MS4A8: variants seen among roughly 807,000 people sequenced by gnomAD.
MS4A8 encodes membrane spanning 4-domains A8.
In MS4A8, 27 loss-of-function variants were observed where a neutral mutation model predicts 23.7. The ratio of observed to expected loss-of-function variants is 1.14; its 90% confidence interval spans 0.84 to 1.57. The LOEUF is 1.57. Ranked by LOEUF, MS4A8 falls within the 40% of genes most tolerant of loss-of-function variation. The pLI is 0.00. For synonymous variants in MS4A8, 138 were observed against 126.3 expected (o/e 1.09, Z -0.62); for missense variants, 301 against 311.4 (o/e 0.97, Z 0.25).
intron 3 of MS4A8, among the ~76,000 whole-genome samples, chr11:60,704,116 C>CTTTTT (rs1245958477): frequency 7.1e-5 from 9 of 126,868 alleles, no homozygotes; most frequent in African/African-American, 1.6e-4. Flanking sequence ...TTTCTTTTTA[C>CTTTTT]TTTTTTTTTT....
intron 5 of MS4A8, 62 bp downstream of exon 5, chr11:60,708,843 C>T (rs760759543): frequency 1.3e-6 from 2 of 1,597,390 alleles, no homozygotes; most frequent in Admixed American, 3.3e-5. Context: ...TAGAAAACTC[C>T]CAGAAAGGGC....
intron 3 of MS4A8, 74 bp downstream of exon 3, chr11:60,703,574 G>T: frequency 1.3e-6 from 2 of 1,548,172 alleles, no homozygotes; most frequent in Non-Finnish European, 1.8e-6. Flanking sequence ...TTGCCAAGTT[G>T]TGCAGCTGTG....
intron 3 of MS4A8, among the ~76,000 whole-genome samples, chr11:60,705,881 T>A (rs1024852555): frequency 2.0e-5 from 3 of 152,204 alleles, no homozygotes; most frequent in East Asian, 1.9e-4. Context: ...CTGGATGATG[T>A]TGTGTGAGTT....
intron 5 of MS4A8, chr11:60,709,009 T>A (rs2088280479): frequency 2.1e-6 from 1 of 473,194 alleles, no homozygotes; most frequent in African/African-American, 2.0e-5. Flanking sequence ...TGTGGCAATG[T>A]TGAGAGAATT....
chr11:60,700,478 G>A (rs1450845638), intron 1 of MS4A8, among the ~76,000 whole-genome samples: 8 of 152,022 alleles, frequency 5.3e-5, no homozygotes, highest in Non-Finnish European at 4.4e-5. Flanking sequence ...CCTGGGAGGC[G>A]GAGGTTGCAG....
At chr11:60,714,576 G>GAAAATGA (rs1481922377) in intron 5 of MS4A8, among the ~76,000 whole-genome samples, 9 of 151,976 alleles carry the variant, frequency 5.9e-5, no homozygotes, top group African/African-American at 2.2e-4. Context: ...TTTTTCACAG[G>GAAAATGA]AGGCCTTTTC....
chr11:60,705,312 C>T (rs555379736), intron 3 of MS4A8, among the ~76,000 whole-genome samples: 2 of 152,214 alleles, frequency 1.3e-5, no homozygotes, highest in Non-Finnish European at 2.9e-5. Flanking sequence ...ATGCCTACCA[C>T]GGAGCACTGG....
chr11:60,712,643 A>C, intron 5 of MS4A8: 1 of 281,598 alleles, frequency 3.6e-6, no homozygotes, highest in Non-Finnish European at 5.3e-6. Flanking sequence ...AATATACAAA[A>C]ATTAGCCAGG....
chr11:60,714,995 G>A (rs2134664086), intron 5 of MS4A8, 26 bp from the exon 6 acceptor site: 1 of 1,552,188 alleles, frequency 6.4e-7, no homozygotes, highest in Non-Finnish European at 8.9e-7. Context: ...CCGTGCTCCT[G>A]TCCTCCCCAT....
Position 60,708,750 on chromosome 11 carries a change from AC to A in MS4A8, c.507del (p.Asp170ThrfsTer9). On this transcript the variant is annotated frameshift_variant, in exon 5 of 7. Coordinates refer to ENST00000300226, the MANE Select transcript of MS4A8 (RefSeq NM_031457.2). LOFTEE classifies it high-confidence loss of function. ...CTAAGTATTCCCCACCCATATGCCT[AC>A]CCCGACTATTATCCTTACGCCTGGG... ...TDLSIPHPYAYPDYYPYAWGV... is the reference protein window; with the variant it reads ...TDLSIPHPYAXPDYYPYAWGV... 1 of 1,613,944 alleles carries A rather than the reference AC, an allele frequency of 6.2e-7. No individual in the cohort carries two copies. Among genetic ancestry groups the A allele is most frequent in the African/African-American group, 1.3e-5 (1 of 75,002 alleles).
rs1364072133 is a variant in MS4A8 at position 60,699,689 on chromosome 11, C to T, written c.-88C>T. On this transcript the variant is annotated 5_prime_UTR_variant, in exon 1 of 7. Transcript: ENST00000300226. ...CCCTACCACCCAACTGGCCCCAGTACATTCATTCTCTCAGGAAAAAAAACA... is the reference window on the plus strand; with the variant it reads ...CCCTACCACCCAACTGGCCCCAGTATATTCATTCTCTCAGGAAAAAAAACA... The T allele has an allele frequency of 2.0e-5, 3 of 152,272 alleles. No homozygotes were observed. The highest frequency in any genetic ancestry group is 7.2e-5 in the African/African-American group (3 of 41,418). 9.4% of individuals were successfully genotyped at this position (152,272 alleles called of 1,614,324 possible).
At chr11:60,707,310 G>A (rs368558257) in intron 4 of MS4A8, among the ~76,000 whole-genome samples, 7 of 126,560 alleles carry the variant, frequency 5.5e-5, no homozygotes, top group South Asian at 2.2e-4. Flanking sequence ...TATGGAGAGC[G>A]AGAGAGAGAG....
chr11:60,713,280 A>G (rs2088314848), intron 5 of MS4A8, among the ~76,000 whole-genome samples: 1 of 152,198 alleles, frequency 6.6e-6, no homozygotes, highest in South Asian at 2.1e-4. Flanking sequence ...TAAAGTACAG[A>G]GAAAGAAAAA....
chr11:60,703,646 C>T lies in MS4A8; in HGVS notation c.342+146C>T, dbSNP rs2088226684. ...ATAGGAAACCAGCCAGCCCTGGCCT[C>T]GTTCCGCAAGCATATTAGTTTGGTA... On this transcript the variant is annotated intron_variant, in intron 3 of 6. Coordinates refer to ENST00000300226, the MANE Select transcript of MS4A8 (RefSeq NM_031457.2). 10 of 901,872 alleles carry T rather than the reference C, an allele frequency of 1.1e-5. No homozygotes were observed. In the East Asian group the frequency reaches 2.6e-4, roughly 23 times the overall value. 55.9% of individuals were successfully genotyped at this position (901,872 alleles called of 1,614,324 possible).
Position 60,703,389 on chromosome 11 carries a change from C to G in MS4A8, c.231C>G (p.Ile77Met), listed in dbSNP as rs987829871. The change falls in exon 3 of 7, where the codon ATC (isoleucine) becomes ATG (methionine). Residue 77 changes from isoleucine to methionine, a missense_variant. Ile to Met is a conservative substitution (Grantham distance 10, BLOSUM62 1). Coordinates refer to ENST00000300226, the MANE Select transcript of MS4A8 (RefSeq NM_031457.2). ...KEGKTLGAIQ[I>M]IIGLAHIGLG... is the part of the protein sequence containing the mutation. ...GGCTCTCCTGACAGGCCATCCAGAT[C>G]ATCATTGGCCTGGCTCACATCGGCC... 6 of 1,577,190 alleles carry G rather than the reference C, an allele frequency of 3.8e-6. No individual in the cohort carries two copies. The highest frequency in any genetic ancestry group is 5.2e-6 in the Non-Finnish European group (6 of 1,163,526).
chr11:60,700,754 C>G, intron 1 of MS4A8, 106 bp from the exon 2 acceptor site: 1 of 1,085,604 alleles, frequency 9.2e-7, no homozygotes, highest in East Asian at 2.4e-5. Flanking sequence ...GATTCATAAA[C>G]TTGTAGAGGG....
chr11:60,712,545 G>C, intron 5 of MS4A8: 1 of 972,960 alleles, frequency 1.0e-6, no homozygotes. Flanking sequence ...TGTAATCCCA[G>C]CACTTTGGGA....
intron 3 of MS4A8, among the ~76,000 whole-genome samples, chr11:60,704,645 T>C (rs1004889411): frequency 4.6e-5 from 7 of 152,144 alleles, no homozygotes; most frequent in Non-Finnish European, 7.4e-5. Context: ...GGGGGCTCCA[T>C]TTTGGCAAAA....
intron 1 of MS4A8, among the ~76,000 whole-genome samples, chr11:60,700,343 C>T (rs998867320): frequency 3.3e-5 from 5 of 152,122 alleles, no homozygotes; most frequent in African/African-American, 4.8e-5. Flanking sequence ...GTCAGGAGTT[C>T]GAGACCAGCC....
Sources: allele counts gnomAD v4.1 joint callset (sites outside exome capture counted in the v4.1 genomes callset), GRCh38; gene constraint gnomAD v4.1.1; transcripts MANE v1.5; gene names NCBI Gene and HGNC (gene_info 2026-07-23, HGNC 2026-07-21).